USP36: variants seen among roughly 807,000 people sequenced by gnomAD.
USP36 encodes ubiquitin carboxyl-terminal hydrolase 36.
A neutral mutation model predicts 111.5 loss-of-function variants in USP36; 59 were observed. The ratio of observed to expected loss-of-function variants is 0.53; its 90% CI spans 0.43 to 0.66. The LOEUF (loss-of-function observed/expected upper bound fraction) is 0.66. Among genes scored for constraint, USP36 ranks in the 30% least tolerant of loss-of-function variants. The probability of loss-of-function intolerance (pLI) is 0.00; values close to 1 mark genes in which losing one functional copy is unlikely to be tolerated. For missense variants in USP36, 1,488 were observed against 1,468.0 expected, an observed-to-expected ratio of 1.01 and a Z score of -0.22; for synonymous variants, 628 against 581.0, an observed-to-expected ratio of 1.08 and a Z score of -1.16.
intron 3 of USP36, among the ~76,000 whole-genome samples, chr17:78,789,858 A>G (rs1355870170): frequency 6.6e-6 from 1 of 152,242 alleles, no homozygotes; most frequent in Non-Finnish European, 1.5e-5. Context: ...GGTAGGGCTC[A>G]GGGAAGGCAA....
In USP36 at chr17:78,798,309, TAC is replaced by T; in HGVS notation, c.*20+89_*20+90del. The T allele has an allele frequency of 1.3e-6, 2 of 1,514,226 alleles. No individual in the cohort carries two copies. Among genetic ancestry groups the T allele is most frequent in the African/African-American group, 1.4e-5 (1 of 71,770 alleles). The allele number at this position is 1,514,226 out of a possible 1,614,324, so 93.8% of individuals were successfully genotyped here. A position where few individuals can be genotyped will look rare whatever the true frequency, so the allele number is the denominator to read the frequency against. ...CCAGATACACAGCCCACATACATCA[TAC>T]ACACACGCCACACCCCACCACACCC... is the stretch of plus-strand genomic sequence containing the variant. On this transcript the variant is annotated intron_variant, in intron 20 of 20. Transcript: ENST00000449938. This position sits in a 1 kb window ranked among gnomAD's most constrained non-coding sequence, Gnocchi z 5.1.
intron 9 of USP36, 92 bp from the exon 10 acceptor site, chr17:78,818,870 G>T: frequency 7.8e-7 from 1 of 1,282,734 alleles, no homozygotes; most frequent in Non-Finnish European, 1.1e-6. Context: ...AGCAACAACT[G>T]CTCTGTAATA....
At chr17:78,787,759 C>T (rs1204176936) in intron 3 of USP36, 2 of 152,238 alleles carry the variant, frequency 1.3e-5, no homozygotes, top group African/African-American at 4.8e-5. Context: ...TGTTGAAGTC[C>T]TAAGCCCCAG....
chr17:78,817,560 G>A (rs1207690925), intron 10 of USP36, among the ~76,000 whole-genome samples: 1 of 151,920 alleles, frequency 6.6e-6, no homozygotes, highest in African/African-American at 2.4e-5. Flanking sequence ...TTCGAGACCA[G>A]CCTGGCCACC....
chr17:78,819,303 G>A (rs544726123), intron 9 of USP36, among the ~76,000 whole-genome samples: 8 of 152,298 alleles, frequency 5.3e-5, no homozygotes, highest in East Asian at 1.9e-4. Context: ...ATATTCAGCC[G>A]GCTGTAGTAG....
Position 78,807,312 on chromosome 17 carries a change from C to G in USP36, c.1732G>C (p.Val578Leu). 2 of 1,614,214 alleles carry G rather than the reference C, an allele frequency of 1.2e-6. No individual in the cohort carries two copies. The highest frequency in any genetic ancestry group is 1.7e-6 in the Non-Finnish European group (2 of 1,180,034). Reference protein sequence around the residue: ...RQGSWDSRDVVLSTSPKLLAT... With the variant: ...RQGSWDSRDVLLSTSPKLLAT... ...AGGAGCTTAGGTGAGGTAGAGAGGA[C>G]AACATCCCTGCTGTCCCAGGAGCCC... Residue 578 changes from valine to leucine, a missense_variant, in exon 14 of 21, where the codon GTC becomes CTC. Val to Leu is a conservative substitution (Grantham distance 32). This residue lies in a region of USP36 where 1,073 missense variants were observed against 994.1 expected (regional missense o/e 1.08). Coordinates refer to ENST00000449938, the MANE Select transcript of USP36 (RefSeq NM_001385174.1).
Position 78,813,853 on chromosome 17 carries a change from G to T in USP36, c.1185C>A (p.Tyr395Ter). The T allele has an allele frequency of 6.2e-7, 1 of 1,614,120 alleles. No homozygotes were observed. Among genetic ancestry groups the T allele is most frequent in the Non-Finnish European group, 8.5e-7 (1 of 1,180,014 alleles). ...AATGGACCAAGGAATCATTCATCTG[G>T]TACCACTGTCCATTGCTTGCCTGAA... ...CYVKASNGQWYQMNDSLVHSS... is the reference protein window; with the variant it reads ...CYVKASNGQW The change falls in exon 12 of 21, where the codon TAC becomes TAA. Residue 395 changes from tyrosine to a stop codon, truncating the protein, a stop_gained. Transcript: ENST00000449938. LOFTEE classifies it high-confidence loss of function.
intron 11 of USP36, 143 bp downstream of exon 11, chr17:78,814,269 A>G: frequency 8.7e-7 from 1 of 1,146,960 alleles, no homozygotes; most frequent in South Asian, 1.6e-5. Flanking sequence ...CACTCCACGC[A>G]GAGAGGCAAC....
At chr17:78,799,064 C>T in intron 18 of USP36, 41 bp from the exon 19 acceptor site, 1 of 1,597,076 alleles carries the variant, frequency 6.3e-7, no homozygotes. Context: ...TGCAGGTTCC[C>T]AGGTCCCCTG....
chr17:78,836,152 C>G lies in USP36; in HGVS notation c.212G>C (p.Ser71Thr). The G allele has an allele frequency of 1.9e-6, 3 of 1,614,010 alleles. No individual in the cohort carries two copies. The highest frequency in any genetic ancestry group is 2.5e-6 in the Non-Finnish European group (3 of 1,180,050). ...VLLNPKTEGA[S>T]RHKSGDDPPA... is the part of the protein sequence containing the mutation. ...TGGGTCATCTCCACTCTTGTGGCGA[C>G]TAGCTCCCTCTGTTTTGGGGTTGAG... Residue 71 changes from serine to threonine, a missense_variant, in exon 3 of 21, where the codon AGT becomes ACT. Physicochemically the swap from Ser to Thr is moderately conservative, Grantham distance 58 (BLOSUM62 1). Transcript: ENST00000449938.
At chr17:78,835,525 A>G (rs759282423) in intron 3 of USP36, 24 bp from the exon 4 acceptor site, 23 of 1,567,936 alleles carry the variant, frequency 1.5e-5, no homozygotes, top group Non-Finnish European at 1.9e-5. Flanking sequence ...GGACAAGGGA[A>G]GAAAAGAGGA....
chr17:78,836,227 C>A lies in USP36; in HGVS notation c.137G>T (p.Ser46Ile). 1 of 1,614,158 alleles carries A rather than the reference C, an allele frequency of 6.2e-7. No homozygotes were observed. Among genetic ancestry groups the A allele is most frequent in the South Asian group, 1.1e-5 (1 of 91,080 alleles). ...LLQKIEFEPA[S>I]KSFSYQLEAL... ...CTCCAGCTGGTAGGAGAAGCTCTTG[C>A]TGGCTGGCTCGAACTCGATTTTCTG... Residue 46 changes from serine to isoleucine, a missense_variant, in exon 3 of 21, where the codon AGC (serine) becomes ATC (isoleucine). Around this residue, in one of 3 missense-constraint regions of USP36, gnomAD observed 219 missense variants for 209.5 expected, o/e 1.05. Transcript: ENST00000449938.
chr17:78,796,470 AG>A lies in USP36; in HGVS notation c.*1429del, dbSNP rs1339286917. 6.6e-6 allele frequency: 1 copy of A among 152,264 alleles called. No individual in the cohort carries two copies. Among genetic ancestry groups the A allele is most frequent in the Non-Finnish European group, 1.5e-5 (1 of 68,064 alleles). The allele number at this position is 152,264 out of a possible 1,614,324, so 9.4% of individuals were successfully genotyped here. On this transcript the variant is annotated 3_prime_UTR_variant, in exon 21 of 21. Transcript: ENST00000449938. Reference sequence around the variant, plus strand: ...CTGCTGCTGGGACACAGGTGGCCACAGGAGCTTGATTCTCTCCCACCCTTCT... The same window carrying A: ...CTGCTGCTGGGACACAGGTGGCCACAGAGCTTGATTCTCTCCCACCCTTCT...
Position 78,807,042 on chromosome 17 carries a change from G to A in USP36, c.2002C>T (p.Pro668Ser), listed in dbSNP as rs1419364100. The A allele has an allele frequency of 2.5e-6, 4 of 1,614,140 alleles. No individual in the cohort carries two copies. The African/African-American group carries it at 4.0e-5, about 16-fold the overall frequency. Residue 668 changes from proline (P) to serine (S), a missense_variant, in exon 14 of 21, where the codon CCT becomes TCT. Coordinates refer to ENST00000449938, the MANE Select transcript of USP36 (RefSeq NM_001385174.1). Reference protein sequence around the residue: ...ADSKTVKLKSPVLSNTTTEPA... With the variant: ...ADSKTVKLKSSVLSNTTTEPA... ...TCAGTGGTGGTGTTGCTCAGGACAG[G>A]GGACTTCAGCTTCACCGTCTTAGAA...
intron 18 of USP36, 77 bp from the exon 19 acceptor site, chr17:78,799,100 A>G: frequency 7.3e-7 from 1 of 1,376,754 alleles, no homozygotes; most frequent in Admixed American, 1.7e-5. Context: ...AGTGTCATTT[A>G]CCAACTAGTC....
At chr17:78,805,922 C>G (rs1302738445) in intron 15 of USP36, among the ~76,000 whole-genome samples, 1 of 152,226 alleles carries the variant, frequency 6.6e-6, no homozygotes, top group Non-Finnish European at 1.5e-5. Context: ...AAAGACAGAA[C>G]TAAGACATCA....
At position 78,796,443 on chromosome 17, in the gene USP36, CACT is replaced by C. The variant is rs2093629814; in HGVS notation, c.*1454_*1456del. On this transcript the variant is annotated 3_prime_UTR_variant, in exon 21 of 21. Coordinates refer to ENST00000449938, the MANE Select transcript of USP36 (RefSeq NM_001385174.1). Reference sequence around the variant, plus strand: ...AGAGGGCACCCTGAGCAGCTCCACTCACTGCTGCTGGGACACAGGTGGCCACAG... The same window carrying C: ...AGAGGGCACCCTGAGCAGCTCCACTCGCTGCTGGGACACAGGTGGCCACAG... 6.6e-6 allele frequency: 1 copy of C among 152,242 alleles called. No individual in the cohort carries two copies. The highest frequency in any genetic ancestry group is 1.5e-5 in the Non-Finnish European group (1 of 68,056). The allele number at this position is 152,242 out of a possible 1,614,324, so 9.4% of individuals were successfully genotyped here. A position where few individuals can be genotyped will look rare whatever the true frequency, so the allele number is the denominator to read the frequency against.
downstream of USP36, chr17:78,792,159 G>A (rs2093589197): frequency 6.6e-6 from 1 of 152,438 alleles, no homozygotes; most frequent in Admixed American, 6.5e-5. Flanking sequence ...AAGAACCACA[G>A]AGAGTCAACA....
intron 4 of USP36, among the ~76,000 whole-genome samples, chr17:78,830,921 T>G (rs1027435873): frequency 6.6e-6 from 1 of 151,662 alleles, no homozygotes; most frequent in Non-Finnish European, 1.5e-5. Flanking sequence ...TAGGCAAAAA[T>G]TATGTCATTT....
Sources: allele counts gnomAD v4.1 joint callset (sites outside exome capture counted in the v4.1 genomes callset), GRCh38; gene constraint gnomAD v4.1.1; regional missense constraint gnomAD v4.1.1; non-coding constraint Gnocchi (gnomAD v3.1); transcripts MANE v1.5; gene names NCBI Gene and HGNC (gene_info 2026-07-23, HGNC 2026-07-21).